The following RBFOX1 variants were observed in gnomAD, a reference collection of about 807,000 sequenced individuals.
RBFOX1 encodes the protein RNA binding protein fox-1 homolog 1.
In RBFOX1, 8 loss-of-function variants were observed where a neutral mutation model predicts 57.7. The ratio of observed to expected loss-of-function variants is 0.14; its 90% CI spans 0.08 to 0.25. RBFOX1 has a LOEUF of 0.25. Ranked by LOEUF, RBFOX1 falls within the 10% of genes least tolerant of loss-of-function variation. RBFOX1 has a pLI of 1.00. For missense variants in RBFOX1, 611 were observed against 548.5 expected, an observed-to-expected ratio of 1.11 and a Z score of -1.14; for synonymous variants, 326 against 222.4, an observed-to-expected ratio of 1.47 and a Z score of -4.15.
At chr16:7,172,203 A>G (rs2080835422) in intron 4 of RBFOX1, among the ~76,000 whole-genome samples, 1 of 152,108 alleles carries the variant, frequency 6.6e-6, no homozygotes, top group Non-Finnish European at 1.5e-5. Context: ...ATAATTCCAT[A>G]TTTTCTTATA....
At chr16:5,808,206 C>T (rs2055296220) in intron 3 of RBFOX1, among the ~76,000 whole-genome samples, 1 of 152,124 alleles carries the variant, frequency 6.6e-6, no homozygotes, top group African/African-American at 2.4e-5. Flanking sequence ...AGGACAGAGG[C>T]ATGTACAGAG....
At chr16:6,519,270 T>A (rs2096454384) in intron 2 of RBFOX1, among the ~76,000 whole-genome samples, 1 of 152,128 alleles carries the variant, frequency 6.6e-6, no homozygotes, top group South Asian at 2.1e-4. Flanking sequence ...CCAGAAAGGG[T>A]CAAATGAAAT....
Position 5,571,886 on chromosome 16 carries a change from C to T in RBFOX1, c.259-27016C>T, listed in dbSNP as rs1358417254. ...CTCTTTTGTTCAGTCCACCAAGGTC[C>T]GTAGCACCAAAGTGCTGGGGTTAGA... On this transcript the variant is annotated intron_variant, in intron 2 of 2. Transcript: ENST00000585867. Among the ~76,000 whole-genome samples the T allele has an allele frequency of 9.2e-5, 14 of 152,316 alleles. No homozygotes were observed. In the East Asian group the frequency reaches 1.3e-3, roughly 15 times the overall value.
At chr16:5,542,026 G>A (rs1423038555) in intron 2 of RBFOX1, among the ~76,000 whole-genome samples, 5 of 152,076 alleles carry the variant, frequency 3.3e-5, no homozygotes, top group Non-Finnish European at 7.4e-5. Context: ...GTTCACTTGC[G>A]ATCAAAATAT....
At chr16:5,874,350 C>G (rs967825610) in intron 4 of RBFOX1, among the ~76,000 whole-genome samples, 5 of 152,126 alleles carry the variant, frequency 3.3e-5, no homozygotes, top group Non-Finnish European at 7.4e-5. Flanking sequence ...ATATTGTAGT[C>G]TTGGAGAACA....
chr16:7,470,116 C>A (rs2061299164), intron 4 of RBFOX1, among the ~76,000 whole-genome samples: 1 of 151,356 alleles, frequency 6.6e-6, no homozygotes, highest in South Asian at 2.1e-4. Flanking sequence ...AGGTTGTTTA[C>A]ACTTTTTGAT....
intron 3 of RBFOX1, among the ~76,000 whole-genome samples, chr16:6,911,669 G>T (rs928529468): frequency 6.6e-6 from 1 of 152,146 alleles, no homozygotes; most frequent in Non-Finnish European, 1.5e-5. Context: ...TGGGAACAAA[G>T]TTCAATCCAT....
At chr16:7,405,820 A>G (rs2098330537) in intron 4 of RBFOX1, among the ~76,000 whole-genome samples, 1 of 151,572 alleles carries the variant, frequency 6.6e-6, no homozygotes, top group Non-Finnish European at 1.5e-5. Context: ...TTTCCTTTCC[A>G]CTCTTCCATA....
At chr16:5,545,939 A>G (rs2045180795) in intron 2 of RBFOX1, among the ~76,000 whole-genome samples, 1 of 152,104 alleles carries the variant, frequency 6.6e-6, no homozygotes, top group African/African-American at 2.4e-5. Flanking sequence ...AGATCTAAAA[A>G]CTTTTTTTTT....
chr16:7,709,846 A>C, intron 15 of RBFOX1: 1 of 1,229,292 alleles, frequency 8.1e-7, no homozygotes. Context: ...TGAGTACAGT[A>C]AGACGTGCCC....
chr16:7,025,652 C>T (rs2040688139), intron 3 of RBFOX1, among the ~76,000 whole-genome samples: 1 of 152,048 alleles, frequency 6.6e-6, no homozygotes, highest in African/African-American at 2.4e-5. Flanking sequence ...TAGAGGGGGG[C>T]ACCTCTTCAT....
intron 2 of RBFOX1, among the ~76,000 whole-genome samples, chr16:6,340,045 G>T (rs906660466): frequency 6.6e-6 from 1 of 152,090 alleles, no homozygotes; most frequent in Non-Finnish European, 1.5e-5. Flanking sequence ...CAGGAACAAT[G>T]GGGATGCAAA....
chr16:5,683,859 G>A lies in RBFOX1; in HGVS notation c.318+84898G>A, dbSNP rs77265184. Reference sequence around the variant, plus strand: ...ATATGTAAATTATGTATTACATACAGATACCTATATGTATGTAAAATTGCC... The same window carrying A: ...ATATGTAAATTATGTATTACATACAAATACCTATATGTATGTAAAATTGCC... On this transcript the variant is annotated intron_variant, in intron 3 of 19. Transcript: ENST00000641259. Among the ~76,000 whole-genome samples, 794 of 150,016 alleles carry A rather than the reference G, an allele frequency of 5.3e-3. 5 individuals are homozygous for A. The highest frequency in any genetic ancestry group is 0.019 in the African/African-American group (765 of 41,008).
rs550111312 is a variant in RBFOX1 at position 5,962,080 on chromosome 16, G to A, written c.351+94745G>A. Among the ~76,000 whole-genome samples, 4 of 152,212 alleles carry A rather than the reference G, an allele frequency of 2.6e-5. 1 individual carries two copies. Among genetic ancestry groups the A allele is most frequent in the South Asian group, 4.1e-4 (2 of 4,822 alleles). ...AATAGCCCCTGGAGATCCAGCCATC[G>A]CTTACATGTTCCAGGTGGTATGATG... On this transcript the variant is annotated intron_variant, in intron 4 of 19. Transcript: ENST00000641259.
Position 5,645,973 on chromosome 16 carries a change from C to G in RBFOX1, c.318+47012C>G, listed in dbSNP as rs989951474. Among the ~76,000 whole-genome samples, 73 of 152,114 alleles carry G rather than the reference C, an allele frequency of 4.8e-4. 1 individual carries two copies. The highest frequency in any genetic ancestry group is 1.6e-4 in the Non-Finnish European group (11 of 68,034). On this transcript the variant is annotated intron_variant, in intron 3 of 19. Transcript: ENST00000641259. ...GCCCCAGGCTCCTGAGTGAGTAGGA[C>G]TATAGGCAAGTACTACCGCACCTGG...
At chr16:5,425,065 T>TTATCTATCTATCTATC (rs71280727) in intron 1 of RBFOX1, among the ~76,000 whole-genome samples, 4 of 68,640 alleles carry the variant, frequency 5.8e-5, no homozygotes, top group East Asian at 5.7e-4. Context: ...CCTTCCTTTC[T>TTATCTATCTATCTATC]TATCTATCTA....
intron 2 of RBFOX1, among the ~76,000 whole-genome samples, chr16:6,472,750 G>A (rs1254966869): frequency 1.3e-5 from 2 of 151,896 alleles, no homozygotes; most frequent in African/African-American, 4.8e-5. Context: ...AGCCTCCTGA[G>A]TAGTTGGGAT....
chr16:6,764,378 G>C (rs1234777075), intron 3 of RBFOX1, among the ~76,000 whole-genome samples: 1 of 152,148 alleles, frequency 6.6e-6, no homozygotes, highest in Non-Finnish European at 1.5e-5. Context: ...ATGGTAGTCG[G>C]GCCAAGCAGT....
chr16:7,410,851 G>A (rs922645802), intron 4 of RBFOX1, among the ~76,000 whole-genome samples: 4 of 151,354 alleles, frequency 2.6e-5, no homozygotes, highest in African/African-American at 4.9e-5. Context: ...GTGTGTGTGT[G>A]TGTGTGTGTG....
Sources: gnomAD v4.1 joint callset for allele counts (sites outside exome capture counted in the v4.1 genomes callset) on GRCh38, gnomAD v4.1.1 for gene constraint, MANE v1.5 for transcripts, NCBI Gene and HGNC (gene_info 2026-07-23, HGNC 2026-07-21) for gene names.